Variants in UNC79 observed in about 807,000 individuals in gnomAD.
UNC79 encodes the protein unc-79 subunit of NALCN channel complex.
Under a neutral mutation model 283.1 loss-of-function variants are expected in UNC79, and 37 were observed. That is an observed-to-expected ratio of 0.13 (90% confidence interval 0.10 to 0.17). The LOEUF is 0.17. Ranked by LOEUF, UNC79 falls within the 10% of genes least tolerant of loss-of-function variation. The pLI is 1.00. For synonymous variants in UNC79, 1,107 were observed against 1,200.2 expected (o/e 0.92, Z 1.61); for missense variants, 2,272 against 3,211.1 (o/e 0.71, Z 7.07).
At chr14:93,702,999 T>C (rs755416088) in intron 47 of UNC79, among the ~76,000 whole-genome samples, 15 of 152,256 alleles carry the variant, frequency 9.9e-5, no homozygotes, top group South Asian at 2.1e-4. Flanking sequence ...GAAGTTGTAT[T>C]GAATTTGGAA....
intron 18 of UNC79, 72 bp from the exon 19 acceptor site, chr14:93,580,077 A>G: frequency 7.2e-7 from 1 of 1,388,274 alleles, no homozygotes; most frequent in Non-Finnish European, 9.8e-7. Context: ...TATTGGACAA[A>G]TGGACCAAAC....
intron 12 of UNC79, among the ~76,000 whole-genome samples, chr14:93,538,481 T>C (rs1424389827): frequency 1.3e-5 from 2 of 152,150 alleles, no homozygotes; most frequent in Admixed American, 6.5e-5. Flanking sequence ...AAGTTACCCA[T>C]GTAGGGACTA....
At chr14:93,392,786 ACT>A (rs1309088732) in intron 1 of UNC79, among the ~76,000 whole-genome samples, 2 of 152,090 alleles carry the variant, frequency 1.3e-5, no homozygotes, top group Non-Finnish European at 2.9e-5. Flanking sequence ...TGTCTTGATA[ACT>A]CTGTGTTTAT....
chr14:93,633,753 G>A (rs2068248021), intron 31 of UNC79, among the ~76,000 whole-genome samples: 1 of 152,124 alleles, frequency 6.6e-6, no homozygotes, highest in Non-Finnish European at 1.5e-5. Context: ...TTCTGGTTTG[G>A]AAATGCTAAT....
chr14:93,424,866 T>C (rs1028486217), intron 1 of UNC79, among the ~76,000 whole-genome samples: 1 of 152,052 alleles, frequency 6.6e-6, no homozygotes, highest in South Asian at 2.1e-4. Context: ...AGGAATATAA[T>C]TGGATTGCGT....
At chr14:93,524,676 C>T (rs1335089404) in intron 8 of UNC79, among the ~76,000 whole-genome samples, 1 of 152,126 alleles carries the variant, frequency 6.6e-6, no homozygotes, top group African/African-American at 2.4e-5. Context: ...CTAGTATAAC[C>T]CTGAATCTTG....
At chr14:93,598,672 C>T (rs2142011870) in intron 24 of UNC79, among the ~76,000 whole-genome samples, 1 of 152,246 alleles carries the variant, frequency 6.6e-6, no homozygotes, top group East Asian at 1.9e-4. Flanking sequence ...CAGGCTTACG[C>T]CGCCACGCCT....
At chr14:93,503,968 T>A (rs566686744) in intron 7 of UNC79, among the ~76,000 whole-genome samples, 10 of 151,990 alleles carry the variant, frequency 6.6e-5, no homozygotes, top group Non-Finnish European at 1.5e-4. Context: ...TAACGGCCAA[T>A]CTCTTCTCTT....
At chr14:93,598,678 C>A (rs1014516055) in intron 24 of UNC79, among the ~76,000 whole-genome samples, 1 of 152,128 alleles carries the variant, frequency 6.6e-6, no homozygotes, top group Non-Finnish European at 1.5e-5. Flanking sequence ...TACGCCGCCA[C>A]GCCTGGCTAA....
intron 1 of UNC79, among the ~76,000 whole-genome samples, chr14:93,413,393 A>C (rs1433632524): frequency 1.3e-5 from 2 of 151,662 alleles, no homozygotes; most frequent in African/African-American, 4.8e-5. Flanking sequence ...TCCATGGTGT[A>C]TATGTGCCAC....
rs1295040314 is a variant in UNC79, at chr14:93,621,848, G to A, written c.4615G>A (p.Ala1539Thr). Residue 1539 changes from alanine to threonine, a missense_variant, in exon 30 of 49, where the codon GCA becomes ACA. Ala to Thr is a moderately conservative substitution (Grantham distance 58, BLOSUM62 0). Around this residue, in one of 11 missense-constraint regions of UNC79, gnomAD observed 580 missense variants for 632.2 expected, o/e 0.92. Transcript: ENST00000555664. This position sits in a 1 kb window ranked among gnomAD's most constrained non-coding sequence, Gnocchi z 4.8. ...GCCTCCGACCCAAGCTGCGTATATC[G>A]CACAAAGACCAAACGACCCTGGACG... 3 of 1,611,174 alleles carry A rather than the reference G, an allele frequency of 1.9e-6. No homozygotes were observed. The highest frequency in any genetic ancestry group is 2.7e-5 in the African/African-American group (2 of 74,736).
intron 19 of UNC79, among the ~76,000 whole-genome samples, chr14:93,580,611 A>G (rs767254627): frequency 2.8e-4 from 43 of 152,290 alleles, no homozygotes; most frequent in Admixed American, 1.2e-3. Flanking sequence ...GGGTTGTAGC[A>G]CCTCCATTCA....
At chr14:93,353,765 C>T (rs1047667683) in intron 1 of UNC79, among the ~76,000 whole-genome samples, 4 of 152,198 alleles carry the variant, frequency 2.6e-5, no homozygotes, top group Non-Finnish European at 5.9e-5. Context: ...TGGACACTTA[C>T]TGTACACCAC....
At chr14:93,509,046 G>T (rs1045653249) in intron 7 of UNC79, among the ~76,000 whole-genome samples, 4 of 152,154 alleles carry the variant, frequency 2.6e-5, no homozygotes, top group Admixed American at 2.6e-4. Flanking sequence ...CTTCTGGGGA[G>T]ACCTCAGGAA....
intron 46 of UNC79, 96 bp downstream of exon 49, chr14:93,692,042 G>T: frequency 7.1e-7 from 1 of 1,407,512 alleles, no homozygotes; most frequent in African/African-American, 1.4e-5. Context: ...GATCTCAGTT[G>T]TAAGGTTATA....
intron 29 of UNC79, among the ~76,000 whole-genome samples, chr14:93,618,661 G>A (rs541624014): frequency 2.6e-5 from 4 of 152,250 alleles, no homozygotes; most frequent in African/African-American, 9.6e-5. Flanking sequence ...TCTCGTTTTT[G>A]GGCTATAAAA....
At chr14:93,606,916 C>G (rs933728506) in intron 26 of UNC79, among the ~76,000 whole-genome samples, 1 of 152,134 alleles carries the variant, frequency 6.6e-6, no homozygotes, top group Non-Finnish European at 1.5e-5. Flanking sequence ...TTAACAATCT[C>G]ATTTTATAGA....
intron 1 of UNC79, among the ~76,000 whole-genome samples, chr14:93,420,943 A>T (rs2140069792): frequency 6.6e-6 from 1 of 151,884 alleles, no homozygotes; most frequent in East Asian, 1.9e-4. Flanking sequence ...AACCTATGGG[A>T]TATAGCAAAA....
At chr14:93,377,430 T>A (rs1043901523) in intron 1 of UNC79, among the ~76,000 whole-genome samples, 12 of 152,068 alleles carry the variant, frequency 7.9e-5, no homozygotes, top group Admixed American at 2.6e-4. Context: ...GGTGATGTAC[T>A]GAGGGTTGAG....
Sources: allele counts gnomAD v4.1 joint callset (sites outside exome capture counted in the v4.1 genomes callset), GRCh38; gene constraint gnomAD v4.1.1; regional missense constraint gnomAD v4.1.1; non-coding constraint Gnocchi (gnomAD v3.1); transcripts MANE v1.5; gene names NCBI Gene and HGNC (gene_info 2026-07-23, HGNC 2026-07-21).